RPAP1: variants seen among roughly 807,000 people sequenced by gnomAD.
RPAP1 encodes RNA polymerase II-associated protein 1.
RPAP1 carries 109 observed loss-of-function variants against 142.4 expected under a neutral mutation model. The observed-to-expected ratio is 0.77, with a 90% CI of 0.66 to 0.90. The LOEUF (loss-of-function observed/expected upper bound fraction) is 0.90. RPAP1 is among the 40% of genes least tolerant of loss of function. RPAP1 has a pLI of 0.00. For missense variants in RPAP1, 1,546 were observed against 1,751.7 expected, an observed-to-expected ratio of 0.88 and a Z score of 2.10; for synonymous variants, 704 against 738.9, an observed-to-expected ratio of 0.95 and a Z score of 0.77.
At chr15:41,540,043 T>C (rs1054225974) in intron 1 of RPAP1, among the ~76,000 whole-genome samples, 2 of 151,744 alleles carry the variant, frequency 1.3e-5, no homozygotes, top group Non-Finnish European at 2.9e-5. Flanking sequence ...AAAAAAATAA[T>C]AATAATAAAA....
rs2140759636 is a variant in RPAP1 at position 41,521,847 on chromosome 15, C to G, written c.2929G>C (p.Ala977Pro). The G allele has an allele frequency of 6.2e-7, 1 of 1,614,122 alleles. No homozygotes were observed. The highest frequency in any genetic ancestry group is 1.3e-5 in the African/African-American group (1 of 75,046). Residue 977 changes from alanine (A) to proline (P), a missense_variant, in exon 21 of 25, where the codon GCC (alanine) becomes CCC (proline). Physicochemically the swap from Ala to Pro is conservative, Grantham distance 27. This residue lies in a region of RPAP1 where 1,333 missense variants were observed against 1,486.6 expected (regional missense o/e 0.90). Transcript: ENST00000304330. ...ALQPLPATHA[A>P]LYHGMALALL... Reference sequence around the variant, plus strand: ...GCCAAGGCCATACCATGATAGAGGGCAGCATGGGTGGCTGGCAGTGGCTGC... The same window carrying G: ...GCCAAGGCCATACCATGATAGAGGGGAGCATGGGTGGCTGGCAGTGGCTGC...
intron 6 of RPAP1, among the ~76,000 whole-genome samples, 191 bp downstream of exon 6, chr15:41,534,523 T>C (rs1185522013): frequency 7.0e-6 from 1 of 142,490 alleles, no homozygotes; most frequent in Non-Finnish European, 1.5e-5. Context: ...AAGGTGGAGG[T>C]TGCAGTGAGC....
intron 1 of RPAP1, among the ~76,000 whole-genome samples, chr15:41,542,070 G>C (rs980431704): frequency 1.3e-5 from 2 of 152,152 alleles, no homozygotes; most frequent in Non-Finnish European, 2.9e-5. Context: ...CGGTGTACAA[G>C]GGGCTGTAAA....
intron 22 of RPAP1, 76 bp downstream of exon 22, chr15:41,520,315 G>A: frequency 6.6e-7 from 1 of 1,521,564 alleles, no homozygotes; most frequent in Non-Finnish European, 9.0e-7. Flanking sequence ...GTCTTCCAAA[G>A]CTCCTCAAGG....
Position 41,522,144 on chromosome 15 carries a change from T to C in RPAP1, c.2849A>G (p.His950Arg). Residue 950 changes from histidine to arginine, a missense_variant, in exon 20 of 25, where the codon CAT becomes CGT. By Grantham distance (29) the His-to-Arg change is conservative. Transcript: ENST00000304330. ...TGCCAGGTACTGCAGGTGGTACTCATGGCGCAGGGCCCATGCAGAGAAAGG... is the reference window on the plus strand; with the variant it reads ...TGCCAGGTACTGCAGGTGGTACTCACGGCGCAGGGCCCATGCAGAGAAAGG... The part of the protein sequence containing the change: ...LTPFSAWALR[H>R]EYHLQYLALA... The C allele has an allele frequency of 6.2e-7, 1 of 1,613,896 alleles. No individual in the cohort carries two copies. Among genetic ancestry groups the C allele is most frequent in the Non-Finnish European group, 8.5e-7 (1 of 1,179,994 alleles).
intron 22 of RPAP1, among the ~76,000 whole-genome samples, chr15:41,519,369 G>A (rs974580319): frequency 2.6e-5 from 4 of 151,516 alleles, no homozygotes; most frequent in Non-Finnish European, 4.4e-5. Flanking sequence ...CACGACACCC[G>A]GCTAATTTTT....
At chr15:41,530,974 A>G in intron 7 of RPAP1, 49 bp downstream of exon 7, 1 of 1,555,502 alleles carries the variant, frequency 6.4e-7, no homozygotes, top group Non-Finnish European at 8.8e-7. Flanking sequence ...AAAAGGGACA[A>G]TTTCCCCTAC....
At position 41,521,131 on chromosome 15, in the gene RPAP1, C is replaced by T; in HGVS notation, c.3055G>A (p.Gly1019Ser). 3 of 1,512,164 alleles carry T rather than the reference C, an allele frequency of 2.0e-6. No individual in the cohort carries two copies. In the South Asian group the frequency reaches 4.0e-5, roughly 20 times the overall value. 93.7% of individuals were successfully genotyped at this position (1,512,164 alleles called of 1,614,324 possible). The change falls in exon 22 of 25, where the codon GGT (glycine) becomes AGT (serine). Residue 1019 changes from glycine (G) to serine (S), a missense_variant. Gly to Ser is a moderately conservative substitution (Grantham distance 56). Coordinates refer to ENST00000304330, the MANE Select transcript of RPAP1 (RefSeq NM_015540.4). ...LEFLPERTSG[G>S]PEAADFSDQL... ...TCAGAGAAGTCGGCTGCCTCTGGACCCCCTGATGTTCTTTCCCTGTAATGG... is the reference window on the plus strand; with the variant it reads ...TCAGAGAAGTCGGCTGCCTCTGGACTCCCTGATGTTCTTTCCCTGTAATGG...
In RPAP1 at chr15:41,527,990, C is replaced by G. The variant is rs751103138; in HGVS notation, c.1298G>C (p.Ser433Thr). ...AGCATCCAAAAGGAGGCTTAAGACA[C>G]TGCCTGCTAGCCGGTCCCCAAACTC... ...AGEFGDRLAGSVLSLLLDAGF... is the reference protein window; with the variant it reads ...AGEFGDRLAGTVLSLLLDAGF... Residue 433 changes from serine (S) to threonine (T), a missense_variant, in exon 11 of 25, where the codon AGT (serine) becomes ACT (threonine). By Grantham distance (58) the Ser-to-Thr change is moderately conservative. Around this residue, in one of 3 missense-constraint regions of RPAP1, gnomAD observed 1,333 missense variants for 1,486.6 expected, o/e 0.90. Coordinates refer to ENST00000304330, the MANE Select transcript of RPAP1 (RefSeq NM_015540.4). 5 of 1,614,082 alleles carry G rather than the reference C, an allele frequency of 3.1e-6. No homozygotes were observed. In the South Asian group the frequency reaches 5.5e-5, roughly 18 times the overall value.
At chr15:41,532,978 C>CAAAAAAAAAAAAAAAAAAAAAAAAAAA (rs56292925) in intron 6 of RPAP1, among the ~76,000 whole-genome samples, 1 of 66,648 alleles carries the variant, frequency 1.5e-5, no homozygotes, top group Non-Finnish European at 2.5e-5. Flanking sequence ...GACTCCGTCT[C>CAAAAAAAAAAAAAAAAAAAAAAAAAAA]AAAAAAAAAA....
At chr15:41,531,316 G>A in intron 6 of RPAP1, 114 bp from the exon 7 acceptor site, 1 of 1,067,192 alleles carries the variant, frequency 9.4e-7, no homozygotes, top group Non-Finnish European at 1.3e-6. Context: ...AGGACAAGCT[G>A]CTTCCGAGCC....
rs1566882907 is a variant in RPAP1 at position 41,520,936 on chromosome 15, C to T, written c.3250G>A (p.Val1084Ile). The change falls in exon 22 of 25, where the codon GTC becomes ATC. Residue 1084 changes from valine (V) to isoleucine (I), a missense_variant. Val to Ile is a conservative substitution (Grantham distance 29). Around this residue, in one of 3 missense-constraint regions of RPAP1, gnomAD observed 1,333 missense variants for 1,486.6 expected, o/e 0.90. Transcript: ENST00000304330. ...QALHRGELQR[V>I]PTLLLPMPTE... is the part of the protein sequence containing the mutation. ...GGCATGGGCAGTAGCAGGGTTGGGA[C>T]TCGCTGTAGCTCCCCTCGGTGCAGA... The T allele has an allele frequency of 1.2e-6, 2 of 1,612,302 alleles. No individual in the cohort carries two copies. Among genetic ancestry groups the T allele is most frequent in the East Asian group, 2.2e-5 (1 of 44,876 alleles).
Position 41,521,006 on chromosome 15 carries a change from C to T in RPAP1, c.3180G>A (p.Leu1060=). The T allele has an allele frequency of 6.2e-7, 1 of 1,606,134 alleles. No individual in the cohort carries two copies. Among genetic ancestry groups the T allele is most frequent in the Middle Eastern group, 1.7e-4 (1 of 6,020 alleles). The change falls in exon 22 of 25, where the codon CTG becomes CTA. Residue 1060 remains leucine, a synonymous_variant. Transcript: ENST00000304330. The part of the protein sequence containing the change: ...QDLPSIRNCY[L]THCSPARASL... ...TGGCTCGGGCTGGCGAGCAATGAGTCAGGTAGCAGTTGCGGATGCTGGGGA... is the reference window on the plus strand; with the variant it reads ...TGGCTCGGGCTGGCGAGCAATGAGTTAGGTAGCAGTTGCGGATGCTGGGGA...
intron 5 of RPAP1, 106 bp downstream of exon 5, chr15:41,535,406 C>T (rs1240633705): frequency 1.4e-6 from 2 of 1,454,754 alleles, no homozygotes; most frequent in Non-Finnish European, 1.8e-6. Flanking sequence ...CTTGAGATGG[C>T]TCAAATGCAC....
At chr15:41,518,347 C>A in intron 22 of RPAP1, 165 bp from the exon 23 acceptor site, 2 of 575,396 alleles carry the variant, frequency 3.5e-6, no homozygotes, top group Non-Finnish European at 5.7e-6. Context: ...GACTACAGAG[C>A]AGATGTTGGG....
intron 6 of RPAP1, chr15:41,533,198 G>C (rs921428548): frequency 3.9e-5 from 6 of 152,114 alleles, no homozygotes; most frequent in Non-Finnish European, 8.8e-5. Context: ...GGTCAGGCAC[G>C]GTGGCTCATG....
chr15:41,541,674 C>T (rs561336897), intron 1 of RPAP1, among the ~76,000 whole-genome samples: 1 of 151,932 alleles, frequency 6.6e-6, no homozygotes, highest in Non-Finnish European at 1.5e-5. Context: ...GGTGAAATGC[C>T]GTCTCTACTA....
rs558822018 is a variant in RPAP1, at chr15:41,527,769, C to T, written c.1428+91G>A. 3.3e-5 allele frequency: 51 copies of T among 1,538,276 alleles called. No individual in the cohort carries two copies. In the African/African-American group the frequency reaches 4.0e-4, roughly 12 times the overall value. Reference sequence around the variant, plus strand: ...CTGCCATCCCATTCTACATCTTGCCCGCAAAGCCTTAGCAATGGGGCCATG... The same window carrying T: ...CTGCCATCCCATTCTACATCTTGCCTGCAAAGCCTTAGCAATGGGGCCATG... On this transcript the variant is annotated intron_variant, in intron 11 of 24. Transcript: ENST00000304330.
chr15:41,529,453 C>T lies in RPAP1; in HGVS notation c.1158+17G>A. ...TGTTAAAAGAGCTGCCCCATCCTCT[C>T]CAGTCCCATGCCTCACCTCTGCCTC... is the stretch of plus-strand genomic sequence containing the variant. On this transcript the variant is annotated intron_variant, in intron 9 of 24. Transcript: ENST00000304330. 1 of 1,577,202 alleles carries T rather than the reference C, an allele frequency of 6.3e-7. No individual in the cohort carries two copies. The highest frequency in any genetic ancestry group is 8.7e-7 in the Non-Finnish European group (1 of 1,149,664).
Sources: allele counts gnomAD v4.1 joint callset (sites outside exome capture counted in the v4.1 genomes callset), GRCh38; gene constraint gnomAD v4.1.1; regional missense constraint gnomAD v4.1.1; transcripts MANE v1.5; gene names NCBI Gene and HGNC (gene_info 2026-07-23, HGNC 2026-07-21).